Variants in AP5S1 observed in about 807,000 individuals in gnomAD.
The protein encoded by AP5S1 is adaptor related protein complex 5 subunit sigma 1.
Under a neutral mutation model 13.9 loss-of-function variants are expected in AP5S1, and 13 were observed. The observed-to-expected ratio is 0.94, with a 90% confidence interval of 0.61 to 1.49. The LOEUF is 1.49. Among genes scored for constraint, AP5S1 ranks in the 40% most tolerant of loss-of-function variants. The pLI is 0.00. For missense variants in AP5S1, 292 were observed against 272.3 expected, an observed-to-expected ratio of 1.07 and a Z score of -0.51; for synonymous variants, 132 against 121.8, an observed-to-expected ratio of 1.08 and a Z score of -0.55.
intron 2 of AP5S1, 52 bp downstream of exon 2, chr20:3,822,345 A>G: frequency 6.4e-7 from 1 of 1,552,230 alleles, no homozygotes; most frequent in Non-Finnish European, 8.9e-7. Context: ...CCTGATTGTA[A>G]TAGGTATTTT....
intron 1 of AP5S1, among the ~76,000 whole-genome samples, chr20:3,821,235 A>C (rs186016514): frequency 6.6e-6 from 1 of 152,118 alleles, no homozygotes; most frequent in Non-Finnish European, 1.5e-5. Context: ...TTATTTTCTA[A>C]AAACAAGGAC....
In AP5S1 at chr20:3,828,372, G is replaced by A. The variant is rs1030077829; in HGVS notation, c.*4075G>A. On this transcript the variant is annotated 3_prime_UTR_variant, in exon 3 of 3. Transcript: ENST00000615891. ...ACAACTGATGGACCTTCATTGACAC[G>A]TCACTATCACCAGAGTCCATAGTTT... The A allele has an allele frequency of 6.6e-6, 1 of 152,150 alleles. No individual in the cohort carries two copies. The highest frequency in any genetic ancestry group is 2.4e-5 in the African/African-American group (1 of 41,430). 9.4% of individuals were successfully genotyped at this position (152,150 alleles called of 1,614,324 possible).
At position 3,828,833 on chromosome 20, in the gene AP5S1, C is replaced by A. The variant is rs1298690237; in HGVS notation, c.*4536C>A. The A allele has an allele frequency of 6.6e-6, 1 of 152,210 alleles. No homozygotes were observed. The highest frequency in any genetic ancestry group is 2.4e-5 in the African/African-American group (1 of 41,458). 9.4% of individuals were successfully genotyped at this position (152,210 alleles called of 1,614,324 possible). A position where few individuals can be genotyped will look rare whatever the true frequency, so the allele number is the denominator to read the frequency against. On this transcript the variant is annotated 3_prime_UTR_variant, in exon 3 of 3. Transcript: ENST00000615891. ...TTGGCAATTATGAATACAACTGCTA[C>A]AAACATTTGTGTACAGGTTTTTGTG...
In AP5S1 at chr20:3,825,377, G is replaced by A. The variant is rs747423370; in HGVS notation, c.*1080G>A. ...CCTCTCTGGATGGCCCCAAAGCTGCGTGTCTGAGCTTTCGTGGTCAAGGAT... is the reference window on the plus strand; with the variant it reads ...CCTCTCTGGATGGCCCCAAAGCTGCATGTCTGAGCTTTCGTGGTCAAGGAT... On this transcript the variant is annotated 3_prime_UTR_variant, in exon 3 of 3. Coordinates refer to ENST00000615891, the MANE Select transcript of AP5S1 (RefSeq NM_018347.3). 1 of 150,694 alleles carries A rather than the reference G, an allele frequency of 6.6e-6. No individual in the cohort carries two copies. Among genetic ancestry groups the A allele is most frequent in the Non-Finnish European group, 1.5e-5 (1 of 68,066 alleles). The allele number at this position is 150,694 out of a possible 1,614,324, so 9.3% of individuals were successfully genotyped here.
chr20:3,822,274 C>G lies in AP5S1; in HGVS notation c.157C>G (p.Gln53Glu). ...AERDRLLRKE[Q>E]ILAVARQVES... The stretch of plus-strand genomic sequence containing the variant: ...GAGGGACAGGCTTCTCCGGAAGGAA[C>G]AGATTTTAGCTGTGGCCAGGTAACC... Residue 53 changes from glutamine to glutamate, a missense_variant, in exon 2 of 3, where the codon CAG (glutamine) becomes GAG (glutamate). Gln to Glu is a conservative substitution (Grantham distance 29). Transcript: ENST00000615891. 6.2e-7 allele frequency: 1 copy of G among 1,614,096 alleles called. No homozygotes were observed. The highest frequency in any genetic ancestry group is 8.5e-7 in the Non-Finnish European group (1 of 1,180,012).
At chr20:3,823,696 C>T in intron 2 of AP5S1, 175 bp from the exon 3 acceptor site, 3 of 985,426 alleles carry the variant, frequency 3.0e-6, no homozygotes, top group Non-Finnish European at 3.6e-6. Context: ...GGTTCAGGAC[C>T]TGGAGGCTCA....
chr20:3,820,842 G>A (rs944291246), intron 1 of AP5S1, 84 bp downstream of exon 1: 3 of 152,290 alleles, frequency 2.0e-5, no homozygotes, highest in African/African-American at 7.2e-5. Context: ...CTGGCGGCTG[G>A]AGGGTTGCGG....
chr20:3,823,333 C>G (rs1360331281), intron 2 of AP5S1, among the ~76,000 whole-genome samples: 1 of 152,184 alleles, frequency 6.6e-6, no homozygotes. Context: ...ACTGCAACCT[C>G]CGCCTCCTGG....
chr20:3,823,481 G>C (rs1410120400), intron 2 of AP5S1: 1 of 915,190 alleles, frequency 1.1e-6, no homozygotes, highest in African/African-American at 1.8e-5. Flanking sequence ...TCGATCTCCT[G>C]ACCTCGTGAT....
Position 3,825,561 on chromosome 20 carries a change from G to C in AP5S1, c.*1264G>C, listed in dbSNP as rs2146734268. ...AGAGCCGTCTGAGAAGCAGTGCTTG[G>C]GCTGAGAATTGGTGCGAGTGGTTTA... is the stretch of plus-strand genomic sequence containing the variant. On this transcript the variant is annotated 3_prime_UTR_variant, in exon 3 of 3. Transcript: ENST00000615891. 6.6e-6 allele frequency: 1 copy of C among 152,532 alleles called. No individual in the cohort carries two copies. Among genetic ancestry groups the C allele is most frequent in the African/African-American group, 2.4e-5 (1 of 41,566 alleles). 9.4% of individuals were successfully genotyped at this position (152,532 alleles called of 1,614,324 possible).
chr20:3,822,464 AG>A (rs1216493228), intron 2 of AP5S1, among the ~76,000 whole-genome samples, 171 bp downstream of exon 2: 2 of 152,212 alleles, frequency 1.3e-5, no homozygotes, highest in Non-Finnish European at 2.9e-5. Flanking sequence ...TTACGTGAAA[AG>A]GGTTAAATAA....
At position 3,828,533 on chromosome 20, in the gene AP5S1, C is replaced by T. The variant is rs2089637002; in HGVS notation, c.*4236C>T. 6.6e-6 allele frequency: 1 copy of T among 152,222 alleles called. No individual in the cohort carries two copies. The highest frequency in any genetic ancestry group is 2.1e-4 in the South Asian group (1 of 4,830). The allele number at this position is 152,222 out of a possible 1,614,324, so 9.4% of individuals were successfully genotyped here. A position where few individuals can be genotyped will look rare whatever the true frequency, so the allele number is the denominator to read the frequency against. On this transcript the variant is annotated 3_prime_UTR_variant, in exon 3 of 3. Coordinates refer to ENST00000615891, the MANE Select transcript of AP5S1 (RefSeq NM_018347.3). ...CCTCTGCTGCACCTGTTCATTCTTCCCTCCCCTCAACCCCTAGCAACCATT... is the reference window on the plus strand; with the variant it reads ...CCTCTGCTGCACCTGTTCATTCTTCTCTCCCCTCAACCCCTAGCAACCATT...
chr20:3,825,182 A>G lies in AP5S1; in HGVS notation c.*885A>G, dbSNP rs368183863. ...CGTTCCCACCAGGCAGGCTCGAGAT[A>G]AAGTCATCACAGCCTTCCCTCATCT... On this transcript the variant is annotated 3_prime_UTR_variant, in exon 3 of 3. Transcript: ENST00000615891. 6.6e-6 allele frequency: 1 copy of G among 152,226 alleles called. No homozygotes were observed. Among genetic ancestry groups the G allele is most frequent in the African/African-American group, 2.4e-5 (1 of 41,470 alleles). 9.4% of individuals were successfully genotyped at this position (152,226 alleles called of 1,614,324 possible).
intron 2 of AP5S1, among the ~76,000 whole-genome samples, chr20:3,823,105 AAGGTGATTC>A (rs1428418590): frequency 2.6e-5 from 4 of 152,172 alleles, no homozygotes; most frequent in African/African-American, 9.7e-5. Flanking sequence ...CTCAGACTGG[AAGGTGATTC>A]AGGAAAGATC....
Position 3,827,434 on chromosome 20 carries a change from T to C in AP5S1, c.*3137T>C, listed in dbSNP as rs2089630968. On this transcript the variant is annotated 3_prime_UTR_variant, in exon 3 of 3. Coordinates refer to ENST00000615891, the MANE Select transcript of AP5S1 (RefSeq NM_018347.3). The stretch of plus-strand genomic sequence containing the variant: ...CTGCCACCACGTCCGGTTAAGTTTT[T>C]CTATTTTTAGTAGAGACGGGGTTTC... The C allele has an allele frequency of 6.6e-6, 1 of 152,082 alleles. No homozygotes were observed. The highest frequency in any genetic ancestry group is 2.4e-5 in the African/African-American group (1 of 41,408). 9.4% of individuals were successfully genotyped at this position (152,082 alleles called of 1,614,324 possible).
chr20:3,822,587 A>C (rs1600424920), intron 2 of AP5S1, among the ~76,000 whole-genome samples: 2 of 152,184 alleles, frequency 1.3e-5, no homozygotes, highest in African/African-American at 4.8e-5. Flanking sequence ...TCCTCATAAT[A>C]GTCTTTTGAG....
chr20:3,828,511 C>T lies in AP5S1; in HGVS notation c.*4214C>T, dbSNP rs928878488. ...AGAGTTTCCCTGCCCGAACAGTCCT[C>T]TGCTGCACCTGTTCATTCTTCCCTC... On this transcript the variant is annotated 3_prime_UTR_variant, in exon 3 of 3. Coordinates refer to ENST00000615891, the MANE Select transcript of AP5S1 (RefSeq NM_018347.3). The T allele has an allele frequency of 1.3e-5, 2 of 152,248 alleles. No individual in the cohort carries two copies. The highest frequency in any genetic ancestry group is 1.5e-5 in the Non-Finnish European group (1 of 68,054). 9.4% of individuals were successfully genotyped at this position (152,248 alleles called of 1,614,324 possible).
intron 1 of AP5S1, 117 bp from the exon 2 acceptor site, chr20:3,821,985 T>A (rs1439549615): frequency 7.0e-7 from 1 of 1,420,162 alleles, no homozygotes; most frequent in African/African-American, 1.4e-5. Flanking sequence ...TTCAAAGTGT[T>A]CAGCCTCACT....
At chr20:3,823,805 G>C in intron 2 of AP5S1, 66 bp from the exon 3 acceptor site, 1 of 1,548,616 alleles carries the variant, frequency 6.5e-7, no homozygotes, top group East Asian at 2.3e-5. Context: ...CCAGCACCAG[G>C]GTTGATCATG....
Sources: gnomAD v4.1 joint callset for allele counts (sites outside exome capture counted in the v4.1 genomes callset) on GRCh38, gnomAD v4.1.1 for gene constraint, MANE v1.5 for transcripts, NCBI Gene and HGNC (gene_info 2026-07-23, HGNC 2026-07-21) for gene names.